Variants in IGFL4 observed in about 807,000 individuals in gnomAD.
IGFL4 encodes IGF like family member 4.
IGFL4 carries 12 observed loss-of-function variants against 15.4 expected under a neutral mutation model. The ratio of observed to expected loss-of-function variants is 0.78; its 90% CI spans 0.50 to 1.26. The LOEUF (loss-of-function observed/expected upper bound fraction) is 1.26. Among genes scored for constraint, IGFL4 ranks in the 50% most tolerant of loss-of-function variants. The pLI, the probability that IGFL4 is intolerant of heterozygous loss-of-function variation, is 0.00. For missense variants in IGFL4, 126 were observed against 147.8 expected, an observed-to-expected ratio of 0.85 and a Z score of 0.76; for synonymous variants, 54 against 55.9, an observed-to-expected ratio of 0.97 and a Z score of 0.16.
intron 2 of IGFL4, among the ~76,000 whole-genome samples, chr19:46,057,412 T>C (rs1355247284): frequency 6.6e-6 from 1 of 152,178 alleles, no homozygotes; most frequent in Non-Finnish European, 1.5e-5. Flanking sequence ...AAACTTTTTG[T>C]ATCCAGAAAC....
intron 2 of IGFL4, chr19:46,059,165 C>G (rs1329853555): frequency 6.6e-6 from 1 of 152,170 alleles, no homozygotes; most frequent in African/African-American, 2.4e-5. Flanking sequence ...TTCTGACCTC[C>G]TATCTCATCC....
At chr19:46,047,702 C>G (rs1426977652) in intron 2 of IGFL4, among the ~76,000 whole-genome samples, 2 of 152,084 alleles carry the variant, frequency 1.3e-5, no homozygotes, top group East Asian at 3.8e-4. Context: ...GACACATACA[C>G]CCTCCCAAGA....
intron 1 of IGFL4, among the ~76,000 whole-genome samples, chr19:46,066,819 T>C (rs1969499415): frequency 6.6e-6 from 1 of 152,206 alleles, no homozygotes; most frequent in Admixed American, 6.5e-5. Context: ...ATACTGGTGA[T>C]TATATTTCAA....
At chr19:46,044,226 T>TC (rs1345566182), upstream of IGFL4, among the ~76,000 whole-genome samples, 1 of 152,016 alleles carries the variant, frequency 6.6e-6, no homozygotes, top group Non-Finnish European at 1.5e-5. Context: ...GAGATTTGGG[T>TC]CCAATACACA....
chr19:46,058,870 C>A (rs1427750408), intron 2 of IGFL4: 1 of 152,218 alleles, frequency 6.6e-6, no homozygotes, highest in Non-Finnish European at 1.5e-5. Context: ...AATCATATCA[C>A]AAGGGGTGGA....
At chr19:46,039,995 G>A (rs1306695740) in intron 3 of IGFL4, 59 bp from the exon 4 acceptor site, 57 of 1,524,426 alleles carry the variant, frequency 3.7e-5, no homozygotes, top group Middle Eastern at 1.7e-4. Context: ...CAGCAGTGGC[G>A]GGGAAGGAAC....
intron 1 of IGFL4, among the ~76,000 whole-genome samples, chr19:46,076,300 C>T (rs1162163218): frequency 6.6e-6 from 1 of 152,204 alleles, no homozygotes; most frequent in African/African-American, 2.4e-5. Context: ...AGGGTCATAA[C>T]CCAATACCAC....
rs1262774185 is a variant in IGFL4 at position 46,040,101 on chromosome 19, C to A, written c.330+56G>T. On this transcript the variant is annotated intron_variant, in intron 3 of 3. Transcript: ENST00000377697. This position sits in a 1 kb window ranked among gnomAD's most constrained non-coding sequence, Gnocchi z 4.1. ...CACATCTGGGTGGGACATGGACAAC[C>A]AAGCTCCATTCCCTACTCCCCCCTC... 6.2e-7 allele frequency: 1 copy of A among 1,603,702 alleles called. No individual in the cohort carries two copies.
upstream of IGFL4, among the ~76,000 whole-genome samples, chr19:46,045,267 AC>A (rs1345669044): frequency 2.0e-5 from 3 of 151,920 alleles, no homozygotes; most frequent in African/African-American, 4.8e-5. Flanking sequence ...ACATGGTGAA[AC>A]CCCCTCTCTA....
chr19:46,052,080 G>C (rs896128849), intron 2 of IGFL4, among the ~76,000 whole-genome samples: 1 of 152,124 alleles, frequency 6.6e-6, no homozygotes, highest in Non-Finnish European at 1.5e-5. Flanking sequence ...AGGTCATCAA[G>C]GCAGAAGGTC....
rs1389715790 is a variant in IGFL4 at position 46,040,888 on chromosome 19, A to C, written c.19+56T>G. ...GAATTAACTTTGAAGTTCAGAAATA[A>C]TTAGGGATGTGATATCATTAGGGAT... On this transcript the variant is annotated intron_variant, in intron 1 of 3. Transcript: ENST00000377697. This position sits in a 1 kb window ranked among gnomAD's most constrained non-coding sequence, Gnocchi z 4.1. 8.8e-6 allele frequency: 13 copies of C among 1,483,766 alleles called. No individual in the cohort carries two copies. Among genetic ancestry groups the C allele is most frequent in the Admixed American group, 1.9e-5 (1 of 51,350 alleles). 91.9% of individuals were successfully genotyped at this position (1,483,766 alleles called of 1,614,324 possible).
intron 2 of IGFL4, among the ~76,000 whole-genome samples, chr19:46,054,065 G>A (rs968055798): frequency 6.6e-6 from 1 of 152,044 alleles, no homozygotes; most frequent in African/African-American, 2.4e-5. Context: ...CATTCTATAA[G>A]TCATGTTTTC....
intron 1 of IGFL4, among the ~76,000 whole-genome samples, chr19:46,070,564 C>T (rs1325496024): frequency 6.6e-6 from 1 of 152,024 alleles, no homozygotes; most frequent in African/African-American, 2.4e-5. Context: ...GTCCAGAAAG[C>T]TGCTGACTTA....
chr19:46,069,826 T>C (rs1270065876), intron 1 of IGFL4, among the ~76,000 whole-genome samples: 1 of 152,194 alleles, frequency 6.6e-6, no homozygotes, highest in Admixed American at 6.5e-5. Flanking sequence ...CTGAAGCAAA[T>C]TGTGTAAGAT....
chr19:46,042,866 C>T (rs1321208223), upstream of IGFL4, among the ~76,000 whole-genome samples: 1 of 152,194 alleles, frequency 6.6e-6, no homozygotes, highest in African/African-American at 2.4e-5. Context: ...CCTCCCTTAT[C>T]CATAGGGAAG....
At chr19:46,071,459 A>G (rs542612119) in intron 1 of IGFL4, among the ~76,000 whole-genome samples, 1 of 152,328 alleles carries the variant, frequency 6.6e-6, no homozygotes, top group South Asian at 2.1e-4. Context: ...ATATCAAATA[A>G]ACATAAACAC....
chr19:46,057,050 T>C (rs1431312663), intron 2 of IGFL4, among the ~76,000 whole-genome samples: 2 of 151,926 alleles, frequency 1.3e-5, no homozygotes, highest in African/African-American at 4.8e-5. Context: ...CTCCAAGGAT[T>C]TGATACAAAT....
intron 1 of IGFL4, among the ~76,000 whole-genome samples, chr19:46,073,497 C>A (rs1278360884): frequency 6.6e-6 from 1 of 152,142 alleles, no homozygotes; most frequent in African/African-American, 2.4e-5. Flanking sequence ...CACAAGATAA[C>A]CAGCCAGGTG....
chr19:46,064,052 A>T (rs1189110348), intron 1 of IGFL4, among the ~76,000 whole-genome samples: 1 of 148,450 alleles, frequency 6.7e-6, no homozygotes, highest in Non-Finnish European at 1.5e-5. Flanking sequence ...AGCCTGGGTG[A>T]CAGAACGAGA....
Sources: gnomAD v4.1 joint callset for allele counts (sites outside exome capture counted in the v4.1 genomes callset) on GRCh38, gnomAD v4.1.1 for gene constraint, Gnocchi (gnomAD v3.1) non-coding constraint, MANE v1.5 for transcripts, NCBI Gene and HGNC (gene_info 2026-07-23, HGNC 2026-07-21) for gene names.